EXOC4: variants seen among roughly 807,000 people sequenced by gnomAD.
The protein encoded by EXOC4 is SEC8-like 1.
In EXOC4, 71 loss-of-function variants were observed where a neutral mutation model predicts 107.2. That is an observed-to-expected ratio of 0.66 (90% CI 0.55 to 0.81). EXOC4 has a LOEUF of 0.81. Among genes scored for constraint, EXOC4 ranks in the 30% least tolerant of loss-of-function variants. The pLI, the probability that EXOC4 is intolerant of heterozygous loss-of-function variation, is 0.00. For synonymous variants in EXOC4, 456 were observed against 441.2 expected (o/e 1.03, Z -0.42); for missense variants, 1,108 against 1,189.6 (o/e 0.93, Z 1.01).
chr7:133,406,779 T>TA (rs1281452587), intron 7 of EXOC4, among the ~76,000 whole-genome samples: 10 of 152,240 alleles, frequency 6.6e-5, no homozygotes, highest in Non-Finnish European at 1.3e-4. Context: ...TGTCAGTTGA[T>TA]AAAAATGAAT....
intron 9 of EXOC4, among the ~76,000 whole-genome samples, chr7:133,515,448 TTACATA>T (rs533170938): frequency 5.3e-5 from 8 of 152,162 alleles, no homozygotes; most frequent in Admixed American, 2.6e-4. Context: ...CGTGTGTATT[TTACATA>T]TACATATACA....
At chr7:133,794,116 C>G (rs1463735873) in intron 10 of EXOC4, among the ~76,000 whole-genome samples, 3 of 152,112 alleles carry the variant, frequency 2.0e-5, no homozygotes, top group African/African-American at 7.2e-5. Flanking sequence ...CCTCATATGT[C>G]TAGTTCATTT....
chr7:133,688,243 C>G (rs1250109717), intron 10 of EXOC4, among the ~76,000 whole-genome samples: 4 of 152,224 alleles, frequency 2.6e-5, no homozygotes, highest in South Asian at 2.1e-4. Flanking sequence ...AAATGTTGCT[C>G]TCTGTGTAGG....
At chr7:133,819,451 G>A (rs746652460) in intron 11 of EXOC4, among the ~76,000 whole-genome samples, 8 of 151,942 alleles carry the variant, frequency 5.3e-5, no homozygotes. Flanking sequence ...ATATTATAAT[G>A]TCAGGCAGCA....
intron 10 of EXOC4, among the ~76,000 whole-genome samples, chr7:133,700,543 A>G (rs370958104): frequency 8.5e-4 from 129 of 152,310 alleles, no homozygotes; most frequent in African/African-American, 3.0e-3. Flanking sequence ...CAAGGGGGCT[A>G]TCTGAGGAGA....
At chr7:133,429,360 CTT>C (rs1797801046) in intron 7 of EXOC4, among the ~76,000 whole-genome samples, 1 of 152,166 alleles carries the variant, frequency 6.6e-6, no homozygotes, top group South Asian at 2.1e-4. Flanking sequence ...CGTTTTCTAA[CTT>C]TGCTAAGAAA....
intron 10 of EXOC4, among the ~76,000 whole-genome samples, chr7:133,702,398 A>G (rs1794686169): frequency 4.6e-5 from 1 of 21,596 alleles, no homozygotes; most frequent in Non-Finnish European, 9.3e-5. Context: ...CAGTGCAGTG[A>G]TGTGATCACA....
chr7:133,837,834 G>A (rs1475619157), intron 11 of EXOC4, among the ~76,000 whole-genome samples: 1 of 152,114 alleles, frequency 6.6e-6, no homozygotes, highest in Non-Finnish European at 1.5e-5. Flanking sequence ...AGTTGGATAA[G>A]GTAAAACTTC....
chr7:133,716,865 G>C (rs921772950), intron 10 of EXOC4, among the ~76,000 whole-genome samples: 1 of 152,098 alleles, frequency 6.6e-6, no homozygotes, highest in African/African-American at 2.4e-5. Context: ...ACTAGAACCT[G>C]GGAGGCAGAG....
rs368316379 is a variant in EXOC4, at chr7:133,317,290, C to G, written c.663C>G (p.Leu221=). The G allele has an allele frequency of 1.1e-5, 18 of 1,611,796 alleles. No individual in the cohort carries two copies. The East Asian group carries it at 3.3e-4, about 30-fold the overall frequency. ...RNKEKGKISS[L]VKDASVPLID... Reference sequence around the variant, plus strand: ...TGCTTCTTTTCCCGTTCAGCTCCCTCGTGAAAGATGCTTCTGTTCCTCTGA... The same window carrying G: ...TGCTTCTTTTCCCGTTCAGCTCCCTGGTGAAAGATGCTTCTGTTCCTCTGA... The change falls in exon 5 of 18, where the codon CTC becomes CTG. Residue 221 remains leucine (L), a synonymous_variant. Transcript: ENST00000253861.
At chr7:134,085,947 C>T in the EXOC4 span, among the ~76,000 whole-genome samples, 1 of 152,170 alleles carries the variant, frequency 6.6e-6, no homozygotes, top group African/African-American at 2.4e-5. Context: ...CAGGAAAGAC[C>T]TAAGTGGAAC....
rs570913397 is a variant in EXOC4, at chr7:133,741,097, A to G, written c.1515-76228A>G. 3.9e-5 allele frequency among the ~76,000 whole-genome samples: 6 copies of G among 152,322 alleles called. No homozygotes were observed. The East Asian group carries it at 1.2e-3, about 29-fold the overall frequency. ...AATTCAAAGCTCTTTCAATTATCGC[A>G]TGTGTAGAAAGTTGGTAAGAACTAG... is the stretch of plus-strand genomic sequence containing the variant. On this transcript the variant is annotated intron_variant, in intron 10 of 17. Transcript: ENST00000253861.
intron 7 of EXOC4, among the ~76,000 whole-genome samples, chr7:133,458,839 T>C (rs1305057079): frequency 6.6e-6 from 1 of 152,212 alleles, no homozygotes; most frequent in African/African-American, 2.4e-5. Context: ...TTAGTTCTTG[T>C]CAAGGCTGAT....
chr7:133,883,154 C>T (rs1198346270), intron 11 of EXOC4, among the ~76,000 whole-genome samples: 1 of 152,048 alleles, frequency 6.6e-6, no homozygotes, highest in Non-Finnish European at 1.5e-5. Flanking sequence ...CAGTTGTGCA[C>T]CTTTGGGTCA....
rs1253169492 is a variant in EXOC4 at position 133,814,968 on chromosome 7, C to CT, written c.1515-2351dup. ...ATGTTTTCATTGATATTCTTCTCCT[C>CT]TTTTTTGAGAAGAAATTGAAGTACA... On this transcript the variant is annotated intron_variant, in intron 10 of 17. Transcript: ENST00000253861. Among the ~76,000 whole-genome samples, 6 of 151,992 alleles carry CT rather than the reference C, an allele frequency of 3.9e-5. 1 individual carries two copies. In the East Asian group the frequency reaches 1.2e-3, roughly 29 times the overall value.
rs145217245 is a variant in EXOC4 at position 133,748,567 on chromosome 7, A to T, written c.1515-68758A>T. Among the ~76,000 whole-genome samples the T allele has an allele frequency of 5.6e-3, 850 of 152,304 alleles. 7 individuals carry two copies. The highest frequency in any genetic ancestry group is 0.019 in the African/African-American group (808 of 41,552). On this transcript the variant is annotated intron_variant, in intron 10 of 17. Transcript: ENST00000253861. ...GCATGTAATTTTATTTATGGCTATG[A>T]TTTATTACAGTGAGGTAGTAAGGTT...
At chr7:133,784,812 T>A (rs1796535970) in intron 10 of EXOC4, among the ~76,000 whole-genome samples, 1 of 152,136 alleles carries the variant, frequency 6.6e-6, no homozygotes, top group Non-Finnish European at 1.5e-5. Flanking sequence ...CAGAACAGGC[T>A]GTTCAAGAAT....
intron 12 of EXOC4, among the ~76,000 whole-genome samples, chr7:133,912,633 A>G (rs2116611197): frequency 6.6e-6 from 1 of 152,320 alleles, no homozygotes; most frequent in African/African-American, 2.4e-5. Context: ...TTTTATCTCT[A>G]CTTCAGTTCT....
intron 11 of EXOC4, among the ~76,000 whole-genome samples, chr7:133,855,029 ATATC>A (rs1170983799): frequency 7.3e-6 from 1 of 136,576 alleles, no homozygotes; most frequent in African/African-American, 2.9e-5. Flanking sequence ...GGCTATATAT[ATATC>A]TAAATATATA....
Sources: gnomAD v4.1 joint callset for allele counts (sites outside exome capture counted in the v4.1 genomes callset) on GRCh38, gnomAD v4.1.1 for gene constraint, MANE v1.5 for transcripts, NCBI Gene and HGNC (gene_info 2026-07-23, HGNC 2026-07-21) for gene names.